The following CCDC91 variants were observed in gnomAD, a reference collection of about 807,000 sequenced individuals.
CCDC91 encodes coiled-coil domain containing 91.
In CCDC91, 48 loss-of-function variants were observed where a neutral mutation model predicts 63.2. That is an observed-to-expected ratio of 0.76 (90% CI 0.60 to 0.97). The LOEUF (loss-of-function observed/expected upper bound fraction) is 0.97. CCDC91 is among the 50% of genes least tolerant of loss of function. The pLI is 0.00. For synonymous variants in CCDC91, 167 were observed against 165.8 expected (o/e 1.01, Z -0.06); for missense variants, 500 against 494.6 (o/e 1.01, Z -0.10).
chr12:28,479,323 T>A (rs1252822943), intron 11 of CCDC91, among the ~76,000 whole-genome samples: 1 of 152,154 alleles, frequency 6.6e-6, no homozygotes, highest in Non-Finnish European at 1.5e-5. Flanking sequence ...GGGACATGGA[T>A]GAAGCTGGTA....
At chr12:28,545,752 A>G (rs1324796245) in intron 12 of CCDC91, among the ~76,000 whole-genome samples, 1 of 152,086 alleles carries the variant, frequency 6.6e-6, no homozygotes, top group Non-Finnish European at 1.5e-5. Flanking sequence ...GGTGTGTTTA[A>G]ACAGAAATCT....
At position 28,469,815 on chromosome 12, in the gene CCDC91, G is replaced by A. The variant is rs149888801; in HGVS notation, c.1102-14237G>A. On this transcript the variant is annotated intron_variant, in intron 11 of 12. Coordinates refer to ENST00000536442, the MANE Select transcript of CCDC91 (RefSeq NM_018318.5). ...CACAGTGAACTCATTTTTGACAAAG[G>A]TGCCAGGAACATATACTGAGGAAAA... Among the ~76,000 whole-genome samples, 1,141 of 152,086 alleles carry A rather than the reference G, an allele frequency of 7.5e-3. 18 individuals carry two copies. The highest frequency in any genetic ancestry group is 0.026 in the African/African-American group (1,061 of 41,528).
intron 8 of CCDC91, among the ~76,000 whole-genome samples, chr12:28,397,813 A>G (rs1946380346): frequency 6.6e-6 from 1 of 152,144 alleles, no homozygotes; most frequent in Admixed American, 6.5e-5. Flanking sequence ...TAAGATAGAG[A>G]CACTATCTGT....
chr12:28,507,881 G>T (rs1378116380), intron 12 of CCDC91, among the ~76,000 whole-genome samples: 2 of 151,912 alleles, frequency 1.3e-5, no homozygotes, highest in African/African-American at 4.8e-5. Context: ...AGTTGCACAA[G>T]GGCTTCAGCT....
intron 3 of CCDC91, among the ~76,000 whole-genome samples, chr12:28,303,815 G>T (rs1490092510): frequency 6.6e-6 from 1 of 151,996 alleles, no homozygotes; most frequent in Non-Finnish European, 1.5e-5. Context: ...ATGGCAGTGT[G>T]GTTCTAGAGT....
At chr12:28,447,350 G>T (rs1949552280) in intron 8 of CCDC91, among the ~76,000 whole-genome samples, 1 of 151,800 alleles carries the variant, frequency 6.6e-6, no homozygotes, top group Non-Finnish European at 1.5e-5. Flanking sequence ...TGAATAAACA[G>T]CTCTCCAGAA....
chr12:28,198,709 C>G (rs1198730308), intron 1 of CCDC91, among the ~76,000 whole-genome samples: 1 of 152,056 alleles, frequency 6.6e-6, no homozygotes, highest in African/African-American at 2.4e-5. Flanking sequence ...TTTATTCAGT[C>G]TAGCAATTTC....
chr12:28,415,179 T>G (rs1947563603), intron 8 of CCDC91, among the ~76,000 whole-genome samples: 1 of 152,126 alleles, frequency 6.6e-6, no homozygotes, highest in African/African-American at 2.4e-5. Context: ...CTCTTCTCTT[T>G]AGGTAAATTT....
At chr12:28,285,047 T>C (rs1948831529) in intron 3 of CCDC91, among the ~76,000 whole-genome samples, 1 of 152,220 alleles carries the variant, frequency 6.6e-6, no homozygotes, top group Non-Finnish European at 1.5e-5. Flanking sequence ...AAAATGTCCA[T>C]TGTAGTCTTA....
intron 1 of CCDC91, among the ~76,000 whole-genome samples, chr12:28,249,493 G>A (rs1945980660): frequency 1.3e-5 from 2 of 152,096 alleles, no homozygotes; most frequent in South Asian, 2.1e-4. Context: ...TACCCATCTG[G>A]TCACAGGCAG....
intron 1 of CCDC91, among the ~76,000 whole-genome samples, chr12:28,212,331 C>G (rs909319364): frequency 6.6e-6 from 1 of 152,118 alleles, no homozygotes; most frequent in Admixed American, 6.5e-5. Flanking sequence ...GTGGTGGCCA[C>G]ATGGTGGAAG....
At chr12:28,250,309 T>G (rs1228756927) in intron 1 of CCDC91, among the ~76,000 whole-genome samples, 1 of 152,168 alleles carries the variant, frequency 6.6e-6, no homozygotes, top group African/African-American at 2.4e-5. Flanking sequence ...TGTTTTCCTA[T>G]TGGATCATTT....
intron 3 of CCDC91, among the ~76,000 whole-genome samples, chr12:28,273,109 G>T (rs188423438): frequency 6.6e-6 from 1 of 150,564 alleles, no homozygotes; most frequent in East Asian, 2.0e-4. Context: ...TTGTCCTTCT[G>T]ATAGTTTGCT....
At chr12:28,228,150 C>T (rs989086445) in intron 1 of CCDC91, among the ~76,000 whole-genome samples, 8 of 151,932 alleles carry the variant, frequency 5.3e-5, no homozygotes, top group East Asian at 1.9e-4. Flanking sequence ...TCAACAATTC[C>T]GCATTATTTG....
At chr12:28,494,861 T>G (rs1051934755) in intron 12 of CCDC91, among the ~76,000 whole-genome samples, 1 of 151,788 alleles carries the variant, frequency 6.6e-6, no homozygotes, top group Non-Finnish European at 1.5e-5. Flanking sequence ...CAGCTGCATT[T>G]GAAATCACTG....
chr12:28,304,684 A>T, intron 3 of CCDC91: 1 of 1,273,342 alleles, frequency 7.9e-7, no homozygotes, highest in Non-Finnish European at 1.0e-6. Flanking sequence ...AACTTCACTG[A>T]AGTTGCTGAT....
At chr12:28,415,664 T>TTGTGTGTGTGTG (rs61077919) in intron 8 of CCDC91, among the ~76,000 whole-genome samples, 2,694 of 148,472 alleles carry the variant, frequency 0.018, 30 homozygotes, top group South Asian at 0.028. Context: ...AGATATATAT[T>TTGTGTGTGTGTG]TGTGTGTGTG....
chr12:28,427,151 A>G (rs1318348036), intron 8 of CCDC91, among the ~76,000 whole-genome samples: 1 of 152,124 alleles, frequency 6.6e-6, no homozygotes, highest in East Asian at 1.9e-4. Flanking sequence ...AGCATTCCAT[A>G]ACATTATGAT....
chr12:28,386,810 A>T (rs1945632058), intron 7 of CCDC91, among the ~76,000 whole-genome samples: 1 of 152,206 alleles, frequency 6.6e-6, no homozygotes, highest in African/African-American at 2.4e-5. Context: ...CCTTGATAGC[A>T]TTCTTTTATA....
Sources: allele counts gnomAD v4.1 joint callset (sites outside exome capture counted in the v4.1 genomes callset), GRCh38; gene constraint gnomAD v4.1.1; transcripts MANE v1.5; gene names NCBI Gene and HGNC (gene_info 2026-07-23, HGNC 2026-07-21).